The following FGD6 variants were observed in gnomAD, a reference collection of about 807,000 sequenced individuals.
FGD6 encodes FYVE, RhoGEF and PH domain containing 6.
A neutral mutation model predicts 149.4 loss-of-function variants in FGD6; 90 were observed. That is an observed-to-expected ratio of 0.60 (90% CI 0.51 to 0.72). The LOEUF (loss-of-function observed/expected upper bound fraction) is 0.72. Ranked by LOEUF, FGD6 falls within the 30% of genes least tolerant of loss-of-function variation. The pLI is 0.00. For synonymous variants in FGD6, 527 were observed against 584.0 expected, an observed-to-expected ratio of 0.90 and a Z score of 1.41; for missense variants, 1,437 against 1,684.8, an observed-to-expected ratio of 0.85 and a Z score of 2.57.
chr12:95,108,707 A>G (rs1009040833), intron 9 of FGD6, 146 bp from the exon 10 acceptor site: 37 of 904,618 alleles, frequency 4.1e-5, no homozygotes, highest in South Asian at 8.4e-5. Context: ...AGGCAGAAAT[A>G]TAAGGTTCAA....
chr12:95,212,142 G>C (rs771170265), intron 1 of FGD6, among the ~76,000 whole-genome samples: 113 of 152,126 alleles, frequency 7.4e-4, no homozygotes, highest in Admixed American at 6.8e-3. Context: ...AAGAGTTATT[G>C]GTTGGGAATT....
chr12:95,208,986 A>G lies in FGD6; in HGVS notation c.2298T>C (p.Ile766=). 1 of 1,614,140 alleles carries G rather than the reference A, an allele frequency of 6.2e-7. No individual in the cohort carries two copies. The highest frequency in any genetic ancestry group is 8.5e-7 in the Non-Finnish European group (1 of 1,180,018). The change falls in exon 2 of 21, where the codon ATT becomes ATC. Residue 766 remains isoleucine (I), a synonymous_variant. Transcript: ENST00000343958. ...ACTCTTGAGTTTTCCGTATAGCCATAATAAATGGCAAGTTCTCGTACTCTG... is the reference window on the plus strand; with the variant it reads ...ACTCTTGAGTTTTCCGTATAGCCATGATAAATGGCAAGTTCTCGTACTCTG... ...EIPEYENLPF[I]MAIRKTQELE...
In FGD6 at chr12:95,210,799, T is replaced by C. The variant is rs374034576; in HGVS notation, c.485A>G (p.Tyr162Cys). The C allele has an allele frequency of 5.6e-6, 9 of 1,613,880 alleles. No individual in the cohort carries two copies. The East Asian group carries it at 8.9e-5, about 16-fold the overall frequency. ...ACCCTGGTTCTTGGCTTTTTCACCA[T>C]ACAAATCACATTTACTCCTAGTTTT... ...TIKTRSKCDL[Y>C]GEKAKNQGGV... Residue 162 changes from tyrosine to cysteine, a missense_variant, in exon 2 of 21, where the codon TAT (tyrosine) becomes TGT (cysteine). By Grantham distance (194) the Tyr-to-Cys change is radical (BLOSUM62 -2). Transcript: ENST00000343958.
At chr12:95,118,052 C>T (rs188693322) in intron 8 of FGD6, among the ~76,000 whole-genome samples, 1 of 151,522 alleles carries the variant, frequency 6.6e-6, no homozygotes, top group East Asian at 2.0e-4. Flanking sequence ...AGAACAACAA[C>T]AATAACAAAT....
At chr12:95,207,408 T>C (rs1453242050) in intron 2 of FGD6, among the ~76,000 whole-genome samples, 1 of 152,224 alleles carries the variant, frequency 6.6e-6, no homozygotes, top group Non-Finnish European at 1.5e-5. Context: ...CACCCCACTA[T>C]GTGCCAAGTA....
intron 2 of FGD6, among the ~76,000 whole-genome samples, chr12:95,199,540 A>G (rs1881815575): frequency 1.3e-5 from 2 of 151,996 alleles, no homozygotes; most frequent in Admixed American, 1.3e-4. Context: ...GAAGGGCAGT[A>G]GAGATGGACT....
chr12:95,208,791 TG>T, intron 2 of FGD6, 51 bp downstream of exon 2: 1 of 1,552,158 alleles, frequency 6.4e-7, no homozygotes, highest in Non-Finnish European at 8.7e-7. Flanking sequence ...ACCAGGCTGT[TG>T]AAGGTTAATT....
At chr12:95,180,776 GAC>G (rs1881260582) in intron 2 of FGD6, among the ~76,000 whole-genome samples, 1 of 151,586 alleles carries the variant, frequency 6.6e-6, no homozygotes, top group South Asian at 2.1e-4. Flanking sequence ...CCACCCCCCC[GAC>G]ACACACAGAG....
intron 5 of FGD6, among the ~76,000 whole-genome samples, chr12:95,150,333 T>C (rs1021357144): frequency 3.3e-5 from 5 of 152,018 alleles, no homozygotes; most frequent in Non-Finnish European, 7.4e-5. Flanking sequence ...GGCCCAAATA[T>C]TTTTTTAAAT....
intron 8 of FGD6, among the ~76,000 whole-genome samples, chr12:95,123,044 G>C (rs1041813682): frequency 4.2e-5 from 6 of 142,972 alleles, no homozygotes; most frequent in Admixed American, 3.5e-4. Flanking sequence ...GACAGAGTGA[G>C]ACTCTGTCAA....
At chr12:95,105,570 C>A (rs1051453578) in intron 13 of FGD6, among the ~76,000 whole-genome samples, 17 of 152,190 alleles carry the variant, frequency 1.1e-4, no homozygotes, top group African/African-American at 4.1e-4. Context: ...CAACTAGTTG[C>A]TAAGTCCCTG....
chr12:95,212,236 G>A (rs1185131251), intron 1 of FGD6, among the ~76,000 whole-genome samples: 1 of 152,034 alleles, frequency 6.6e-6, no homozygotes, highest in African/African-American at 2.4e-5. Context: ...TTAGTTTCTG[G>A]GGATAGATCC....
rs1489820998 is a variant in FGD6 at position 95,077,003 on chromosome 12, G to A, written c.*4517C>T. On this transcript the variant is annotated 3_prime_UTR_variant, in exon 21 of 21. Transcript: ENST00000343958. ...TCCTTCCCCCAACTCCAAAGGGAAA[G>A]GAATTTGATATTTAGGCTTTAAAAA... 2 of 152,038 alleles carry A rather than the reference G, an allele frequency of 1.3e-5. No individual in the cohort carries two copies. Among genetic ancestry groups the A allele is most frequent in the African/African-American group, 2.4e-5 (1 of 41,408 alleles). The allele number at this position is 152,038 out of a possible 1,614,324, so 9.4% of individuals were successfully genotyped here.
At chr12:95,106,349 A>C (rs1238142940) in intron 13 of FGD6, among the ~76,000 whole-genome samples, 2 of 148,472 alleles carry the variant, frequency 1.3e-5, no homozygotes, top group African/African-American at 5.0e-5. Context: ...CAGCTCACTG[A>C]CACCTCCGCC....
chr12:95,158,598 C>T (rs1271283482), intron 3 of FGD6, among the ~76,000 whole-genome samples: 1 of 152,164 alleles, frequency 6.6e-6, no homozygotes, highest in Admixed American at 6.5e-5. Context: ...CACATACACA[C>T]ACACACACGG....
In FGD6 at chr12:95,149,140, T is replaced by C. The variant is rs1486650624; in HGVS notation, c.2685+3671A>G. On this transcript the variant is annotated intron_variant, in intron 5 of 20. Coordinates refer to ENST00000343958, the MANE Select transcript of FGD6 (RefSeq NM_018351.4). ...ATATTATATAATATATAGCATATAT[T>C]ATATATTATATAATATATAGCATAT... 5.2e-4 allele frequency among the ~76,000 whole-genome samples: 18 copies of C among 34,658 alleles called. 1 individual carries two copies. In the East Asian group the frequency reaches 0.017, roughly 32 times the overall value. The allele number at this position is 34,658 out of a possible 152,430, so 22.7% of individuals were successfully genotyped here.
intron 5 of FGD6, among the ~76,000 whole-genome samples, chr12:95,149,993 T>TACACAC (rs10652699): frequency 0.1 from 13,676 of 131,778 alleles, 847 homozygotes; most frequent in East Asian, 0.24. Flanking sequence ...TGCTATATAT[T>TACACAC]ACACACACAC....
intron 2 of FGD6, among the ~76,000 whole-genome samples, chr12:95,206,709 A>G (rs1297565001): frequency 4.0e-5 from 6 of 151,858 alleles, no homozygotes; most frequent in East Asian, 1.9e-4. Context: ...AAAAAAAAAA[A>G]AAAAAAGAAA....
intron 18 of FGD6, 101 bp downstream of exon 18, chr12:95,089,468 T>A: frequency 7.2e-7 from 1 of 1,389,982 alleles, no homozygotes; most frequent in Non-Finnish European, 9.8e-7. Flanking sequence ...ACTTAATAGT[T>A]GTGGGAAATG....
Sources: allele counts gnomAD v4.1 joint callset (sites outside exome capture counted in the v4.1 genomes callset), GRCh38; gene constraint gnomAD v4.1.1; transcripts MANE v1.5; gene names NCBI Gene and HGNC (gene_info 2026-07-23, HGNC 2026-07-21).